Variants in ZFP28 observed in about 807,000 individuals in gnomAD.
ZFP28 encodes the protein zinc finger protein 28 homolog.
In ZFP28, 31 loss-of-function variants were observed where a neutral mutation model predicts 39.5. The observed-to-expected ratio is 0.79, with a 90% CI of 0.59 to 1.06. The LOEUF is 1.06. Among genes scored for constraint, ZFP28 ranks in the 50% least tolerant of loss-of-function variants. The pLI is 0.00. For synonymous variants in ZFP28, 400 were observed against 378.6 expected (o/e 1.06, Z -0.66); for missense variants, 925 against 1,048.4 (o/e 0.88, Z 1.63).
In ZFP28 at chr19:56,547,980, C is replaced by G. The variant is rs2044259008; in HGVS notation, c.523+78C>G. The G allele has an allele frequency of 1.5e-6, 2 of 1,369,940 alleles. No individual in the cohort carries two copies. The highest frequency in any genetic ancestry group is 2.9e-5 in the African/African-American group (2 of 69,674). The allele number at this position is 1,369,940 out of a possible 1,614,324, so 84.9% of individuals were successfully genotyped here. A position where few individuals can be genotyped will look rare whatever the true frequency, so the allele number is the denominator to read the frequency against. ...TGACTCAGACACGCAACATCTTCAG[C>G]AGACTCTTCCTAAGCCTCTTGCTTA... On this transcript the variant is annotated intron_variant, in intron 4 of 7. Coordinates refer to ENST00000301318, the MANE Select transcript of ZFP28 (RefSeq NM_020828.2). The surrounding 1 kb of genome is among the most constrained non-coding windows in gnomAD (Gnocchi z 4.6).
At position 56,549,058 on chromosome 19, in the gene ZFP28, T is replaced by C. The variant is rs146999087; in HGVS notation, c.624T>C (p.Tyr208=). 469 of 1,614,126 alleles carry C rather than the reference T, an allele frequency of 2.9e-4. No homozygotes were observed. Among genetic ancestry groups the C allele is most frequent in the Admixed American group, 7.0e-4 (42 of 60,012 alleles). Residue 208 remains tyrosine (Y), a synonymous_variant, in exon 5 of 8, where the codon TAT becomes TAC. Transcript: ENST00000301318. ...TGATAACAGAGAGACTCACAAGCTA[T>C]AATCTGGAGTACTCTCTGTTAGGGG... ...QAVITERLTS[Y]NLEYSLLGEH...
chr19:56,540,371 G>T (rs543459773), intron 2 of ZFP28, among the ~76,000 whole-genome samples: 1 of 152,350 alleles, frequency 6.6e-6, no homozygotes, highest in South Asian at 2.1e-4. Flanking sequence ...ACTTGATTTT[G>T]TGGCTTTAAA....
At chr19:56,541,004 A>G (rs1162085694) in intron 2 of ZFP28, among the ~76,000 whole-genome samples, 3 of 152,046 alleles carry the variant, frequency 2.0e-5, no homozygotes. Flanking sequence ...TGGGGATAGT[A>G]GCCTGTTCCT....
Position 56,556,744 on chromosome 19 carries a change from T to C in ZFP28, c.*1352T>C, listed in dbSNP as rs938399610. On this transcript the variant is annotated 3_prime_UTR_variant, in exon 8 of 8. Coordinates refer to ENST00000301318, the MANE Select transcript of ZFP28 (RefSeq NM_020828.2). Reference sequence around the variant, plus strand: ...ATTTATCAATAGAGGTGAAAGGAAATTATTAAACTATATTGAAAAATAAAG... The same window carrying C: ...ATTTATCAATAGAGGTGAAAGGAAACTATTAAACTATATTGAAAAATAAAG... The C allele has an allele frequency of 6.6e-6, 1 of 152,088 alleles. No homozygotes were observed. Among genetic ancestry groups the C allele is most frequent in the Non-Finnish European group, 1.5e-5 (1 of 68,002 alleles). The allele number at this position is 152,088 out of a possible 1,614,324, so 9.4% of individuals were successfully genotyped here. A position where few individuals can be genotyped will look rare whatever the true frequency, so the allele number is the denominator to read the frequency against.
chr19:56,539,534 C>G (rs926477943), intron 1 of ZFP28, 91 bp from the exon 2 acceptor site: 12 of 1,135,796 alleles, frequency 1.1e-5, no homozygotes, highest in Non-Finnish European at 1.4e-5. Context: ...ATGATCTGAT[C>G]CCACCTTTTC....
chr19:56,543,750 C>T (rs193006551), intron 2 of ZFP28, among the ~76,000 whole-genome samples: 4 of 152,322 alleles, frequency 2.6e-5, no homozygotes, highest in East Asian at 3.9e-4. Flanking sequence ...AATGTTTTGT[C>T]TCCACCTAAA....
Position 56,555,667 on chromosome 19 carries a change from A to G in ZFP28, c.*275A>G, listed in dbSNP as rs1466939550. 2 of 361,700 alleles carry G rather than the reference A, an allele frequency of 5.5e-6. No individual in the cohort carries two copies. Among genetic ancestry groups the G allele is most frequent in the Non-Finnish European group, 9.8e-6 (2 of 204,258 alleles). 22.4% of individuals were successfully genotyped at this position (361,700 alleles called of 1,614,324 possible). Reference sequence around the variant, plus strand: ...AAAGTTACAGTAGTCAGCTCTGATAAAAAAATGATGCAGTAGGGTGAGGGT... The same window carrying G: ...AAAGTTACAGTAGTCAGCTCTGATAGAAAAATGATGCAGTAGGGTGAGGGT... On this transcript the variant is annotated 3_prime_UTR_variant, in exon 8 of 8. Transcript: ENST00000301318.
At chr19:56,538,767 AGGGGCGGGGCGGGGCGGGGCGGGGC>A (rs1176564398), upstream of ZFP28, among the ~76,000 whole-genome samples, 50,241 of 102,598 alleles carry the variant, frequency 0.49, 14,567 homozygotes, top group East Asian at 0.66. Context: ...CTCTAGGCTG[AGGGGCGGGGCGGGGCGGGGCGGGGC>A]GGGGCGGGGC....
At chr19:56,550,485 AC>A in intron 6 of ZFP28, 24 bp from the exon 7 acceptor site, 2 of 1,604,756 alleles carry the variant, frequency 1.2e-6, no homozygotes, top group Non-Finnish European at 1.7e-6. Flanking sequence ...TATTGGCCAA[AC>A]CTCATCTCTT....
intron 2 of ZFP28, among the ~76,000 whole-genome samples, chr19:56,541,924 A>G (rs1265946564): frequency 7.9e-4 from 89 of 113,324 alleles, no homozygotes; most frequent in African/African-American, 2.9e-3. Context: ...ACAGGGTTTC[A>G]CCATGTTGGC....
At chr19:56,553,399 T>G (rs1438335303) in intron 7 of ZFP28, among the ~76,000 whole-genome samples, 1 of 152,022 alleles carries the variant, frequency 6.6e-6, no homozygotes, top group Non-Finnish European at 1.5e-5. Flanking sequence ...TTTAAAAAGT[T>G]TTTTAGAGAT....
chr19:56,555,246 G>A lies in ZFP28; in HGVS notation c.2461G>A (p.Val821Ile), dbSNP rs2147967102. The part of the protein sequence containing the change: ...RSYNYKKSRK[V>I]FRQTAHLAHH... The stretch of plus-strand genomic sequence containing the variant: ...TTATAACTATAAGAAAAGCAGAAAA[G>A]TCTTCAGGCAAACTGCTCACTTAGC... The change falls in exon 8 of 8, where the codon GTC (valine) becomes ATC (isoleucine). Residue 821 changes from valine (V) to isoleucine (I), a missense_variant. Transcript: ENST00000301318. 1.3e-5 allele frequency: 21 copies of A among 1,614,170 alleles called. No homozygotes were observed. The highest frequency in any genetic ancestry group is 1.7e-5 in the Non-Finnish European group (20 of 1,180,038).
At chr19:56,549,407 G>A (rs1392563526) in intron 5 of ZFP28, among the ~76,000 whole-genome samples, 2 of 149,706 alleles carry the variant, frequency 1.3e-5, no homozygotes, top group Non-Finnish European at 3.0e-5. Flanking sequence ...GCCAGGCGCG[G>A]TGGCTCACGC....
At chr19:56,538,801 G>A (rs1430775843), upstream of ZFP28, 1 of 116,104 alleles carries the variant, frequency 8.6e-6, no homozygotes, top group Non-Finnish European at 1.8e-5. Flanking sequence ...GCGGGGCGGG[G>A]CGGGGCGGGG....
At chr19:56,551,227 A>T in intron 7 of ZFP28, 3 of 987,038 alleles carry the variant, frequency 3.0e-6, no homozygotes, top group Non-Finnish European at 3.6e-6. Flanking sequence ...AAGAAGGTGG[A>T]AGTAAAGGAT....
At chr19:56,539,255 C>T in intron 1 of ZFP28, 29 bp downstream of exon 1, 1 of 1,558,772 alleles carries the variant, frequency 6.4e-7, no homozygotes, top group Non-Finnish European at 8.6e-7. Context: ...TGGGGCCGAG[C>T]GGACAGGGAC....
Position 56,550,505 on chromosome 19 carries a change from T to C in ZFP28, c.803-5T>C, listed in dbSNP as rs1475864705. On this transcript the variant is annotated splice_region_variant and splice_polypyrimidine_tract_variant and intron_variant, in intron 6 of 7. Coordinates refer to ENST00000301318, the MANE Select transcript of ZFP28 (RefSeq NM_020828.2). ...GCCAAACCTCATCTCTTTTCACTTT[T>C]TCAGGACATTGTGTGGCTAAGCCAG... 2.5e-6 allele frequency: 4 copies of C among 1,613,016 alleles called. No individual in the cohort carries two copies. In the African/African-American group the frequency reaches 5.3e-5, roughly 22 times the overall value.
chr19:56,537,443 ACTC>A (rs1177349830), upstream of ZFP28, among the ~76,000 whole-genome samples: 4 of 151,964 alleles, frequency 2.6e-5, no homozygotes, highest in African/African-American at 9.7e-5. Context: ...CAGAGCCACT[ACTC>A]CTTACAAGGA....
chr19:56,541,617 C>T (rs191720997), intron 2 of ZFP28, among the ~76,000 whole-genome samples: 1 of 152,298 alleles, frequency 6.6e-6, no homozygotes, highest in Non-Finnish European at 1.5e-5. Context: ...CTGACATCTA[C>T]ATCACTCTCT....
Sources: gnomAD v4.1 joint callset for allele counts (sites outside exome capture counted in the v4.1 genomes callset) on GRCh38, gnomAD v4.1.1 for gene constraint, Gnocchi (gnomAD v3.1) non-coding constraint, MANE v1.5 for transcripts, NCBI Gene and HGNC (gene_info 2026-07-23, HGNC 2026-07-21) for gene names.